ARL17A: variants seen among roughly 807,000 people sequenced by gnomAD.
The protein encoded by ARL17A is ARF like GTPase 17A, also known as ADP-ribosylation factor-like 17-like.
intron 3 of ARL17A, chr17:46,540,066 A>ATT: frequency 8.3e-7 from 1 of 1,208,934 alleles, no homozygotes; most frequent in South Asian, 1.4e-5. Context: ...GACAGGAAAC[A>ATT]TTTTTTTCTT....
At chr17:46,535,028 G>A (rs549831063) in intron 4 of ARL17A, among the ~76,000 whole-genome samples, 11 of 149,744 alleles carry the variant, frequency 7.3e-5, no homozygotes, top group Admixed American at 2.6e-4. Flanking sequence ...GGGCAGAGGC[G>A]CTCCTCACAT....
At chr17:46,532,160 A>G (rs2053747087) in intron 4 of ARL17A, among the ~76,000 whole-genome samples, 2 of 149,474 alleles carry the variant, frequency 1.3e-5, no homozygotes, top group Admixed American at 1.3e-4. Flanking sequence ...CAGCCTCCCA[A>G]AATGCTGGGA....
chr17:46,504,861 CATTG>C, the ARL17A span, among the ~76,000 whole-genome samples: 1 of 122,310 alleles, frequency 8.2e-6, no homozygotes, highest in African/African-American at 3.4e-5. Flanking sequence ...TGATTTAATA[CATTG>C]ATTTATTAAT....
At chr17:46,522,467 C>T (rs1454450899) in intron 3 of ARL17A, among the ~76,000 whole-genome samples, 217 of 124,154 alleles carry the variant, frequency 1.7e-3, no homozygotes, top group African/African-American at 6.7e-3. Context: ...TTGTTTGAGA[C>T]GGAATCTCGC....
At chr17:46,500,796 T>G in the ARL17A span, among the ~76,000 whole-genome samples, 4 of 151,210 alleles carry the variant, frequency 2.6e-5, no homozygotes, top group African/African-American at 9.9e-5. Context: ...TTTACTCATC[T>G]GGATCTTAGG....
chr17:46,505,807 C>CT, the ARL17A span, among the ~76,000 whole-genome samples: 590 of 68,610 alleles, frequency 8.6e-3, no homozygotes, highest in African/African-American at 0.045. Flanking sequence ...TAAACATTGT[C>CT]TTTTTTTTTT....
chr17:46,551,498 T>C (rs62073254), downstream of ARL17A, among the ~76,000 whole-genome samples: 68,162 of 137,420 alleles, frequency 0.5, 17,564 homozygotes, highest in South Asian at 0.67. Context: ...GTCTGTGTGT[T>C]TGTCCATCTA....
Position 46,553,321 on chromosome 17 carries a change from G to T in ARL17A, c.*4035C>A. On this transcript the variant is annotated 3_prime_UTR_variant, in exon 4 of 4. Transcript: ENST00000336125. ...TCATCAGGTAGATGAGACTTATAAT[G>T]AATAAAAGGAATCAATACAGATTTG... 1.2e-6 allele frequency: 2 copies of T among 1,605,244 alleles called. No homozygotes were observed. The highest frequency in any genetic ancestry group is 2.2e-5 in the South Asian group (2 of 90,736).
chr17:46,558,826 CTCTTT>C (rs1314397600), intron 3 of ARL17A: 2 of 117,352 alleles, frequency 1.7e-5, no homozygotes, highest in African/African-American at 6.5e-5. Flanking sequence ...AAAAAGGGAC[CTCTTT>C]TATTCTTTTT....
chr17:46,536,699 A>G (rs1228528200), intron 4 of ARL17A, among the ~76,000 whole-genome samples: 1 of 938 alleles, frequency 1.1e-3, no homozygotes, highest in African/African-American at 0.011. Context: ...TACAGTTGCC[A>G]TGTTAAAACA....
intron 3 of ARL17A, among the ~76,000 whole-genome samples, chr17:46,558,518 C>T (rs1373746660): frequency 1.7e-5 from 2 of 121,000 alleles, no homozygotes; most frequent in Non-Finnish European, 3.4e-5. Flanking sequence ...TCCCGAATAG[C>T]TGGGATTACA....
intron 3 of ARL17A, among the ~76,000 whole-genome samples, chr17:46,558,634 G>A (rs2057423854): frequency 8.6e-6 from 1 of 116,382 alleles, no homozygotes; most frequent in African/African-American, 3.6e-5. Flanking sequence ...CAAGTGATCC[G>A]CTCACCTTGG....
At chr17:46,542,811 C>A (rs1308569978) in intron 3 of ARL17A, among the ~76,000 whole-genome samples, 5 of 150,668 alleles carry the variant, frequency 3.3e-5, no homozygotes, top group Admixed American at 2.6e-4. Flanking sequence ...CCAGCCCCCA[C>A]AATATGGCAA....
intron 4 of ARL17A, among the ~76,000 whole-genome samples, chr17:46,532,057 C>A (rs2053726480): frequency 6.7e-6 from 1 of 150,296 alleles, no homozygotes; most frequent in African/African-American, 2.5e-5. Flanking sequence ...ACACTCAAGC[C>A]TGGGCAACAG....
chr17:46,534,172 C>G (rs1358190206), intron 4 of ARL17A, among the ~76,000 whole-genome samples: 1 of 148,320 alleles, frequency 6.7e-6, no homozygotes, highest in Non-Finnish European at 1.5e-5. Flanking sequence ...CACCACCATG[C>G]CCAGTTTTTT....
At chr17:46,501,523 G>A in the ARL17A span, among the ~76,000 whole-genome samples, 24 of 151,356 alleles carry the variant, frequency 1.6e-4, no homozygotes, top group Admixed American at 7.9e-4. Context: ...TGACCAAGTC[G>A]TCTGCCGGCT....
At chr17:46,530,744 A>G (rs2145199024) in intron 4 of ARL17A, among the ~76,000 whole-genome samples, 1 of 25,002 alleles carries the variant, frequency 4.0e-5, no homozygotes, top group East Asian at 8.2e-4. Flanking sequence ...TAACCCCAGA[A>G]CATTTTCATC....
At chr17:46,558,581 C>T (rs904298626) in intron 3 of ARL17A, among the ~76,000 whole-genome samples, 31 of 113,796 alleles carry the variant, frequency 2.7e-4, no homozygotes, top group Non-Finnish European at 4.0e-4. Context: ...TTTCTAAAAA[C>T]AGTTTCACCA....
rs2057139488 is a variant in ARL17A, at chr17:46,554,313, G to A, written c.*3043C>T. 1.9e-5 allele frequency: 2 copies of A among 105,570 alleles called. No homozygotes were observed. Among genetic ancestry groups the A allele is most frequent in the Non-Finnish European group, 3.0e-5 (2 of 66,856 alleles). 6.5% of individuals were successfully genotyped at this position (105,570 alleles called of 1,614,324 possible). On this transcript the variant is annotated 3_prime_UTR_variant, in exon 4 of 4. Coordinates refer to ENST00000336125, the MANE Select transcript of ARL17A (RefSeq NM_001113738.2). The stretch of plus-strand genomic sequence containing the variant: ...GTGGTGGCGCAGGCGTGTAATCCCA[G>A]CTACTTGGGAGGCTGAGGCAGGAGA...
Sources: allele counts gnomAD v4.1 joint callset (sites outside exome capture counted in the v4.1 genomes callset), GRCh38; gene constraint gnomAD v4.1.1; transcripts MANE v1.5; gene names NCBI Gene and HGNC (gene_info 2026-07-23, HGNC 2026-07-21).